The following COL25A1 variants were observed in gnomAD, a reference collection of about 807,000 sequenced individuals.
COL25A1 encodes collagen alpha-1(XXV) chain.
A neutral mutation model predicts 128.4 loss-of-function variants in COL25A1; 103 were observed. The ratio of observed to expected loss-of-function variants is 0.80; its 90% confidence interval spans 0.68 to 0.94. The LOEUF (loss-of-function observed/expected upper bound fraction) is 0.94. COL25A1 is among the 40% of genes least tolerant of loss of function. The pLI, the probability that COL25A1 is intolerant of heterozygous loss-of-function variation, is 0.00. For missense variants in COL25A1, 745 were observed against 840.0 expected, an observed-to-expected ratio of 0.89 and a Z score of 1.40; for synonymous variants, 279 against 277.2, an observed-to-expected ratio of 1.01 and a Z score of -0.06.
At chr4:108,860,143 ACT>A (rs1408008966) in intron 23 of COL25A1, among the ~76,000 whole-genome samples, 1 of 151,858 alleles carries the variant, frequency 6.6e-6, no homozygotes, top group Non-Finnish European at 1.5e-5. Flanking sequence ...ACGGAGTCTC[ACT>A]CTGTTGCCCA....
intron 3 of COL25A1, among the ~76,000 whole-genome samples, chr4:109,226,481 T>C (rs1325273585): frequency 6.6e-6 from 1 of 152,150 alleles, no homozygotes; most frequent in Non-Finnish European, 1.5e-5. Context: ...TCCCTACATA[T>C]GTTCAATATC....
intron 11 of COL25A1, among the ~76,000 whole-genome samples, chr4:108,925,442 G>C (rs779869034): frequency 6.6e-6 from 1 of 152,034 alleles, no homozygotes; most frequent in Non-Finnish European, 1.5e-5. Flanking sequence ...GAATATTCCA[G>C]GCAAGGGAAG....
At chr4:108,864,688 C>T (rs1400579359) in intron 20 of COL25A1, among the ~76,000 whole-genome samples, 1 of 152,094 alleles carries the variant, frequency 6.6e-6, no homozygotes, top group African/African-American at 2.4e-5. Context: ...TGGATTGGAT[C>T]CCTGGAGGTG....
chr4:109,188,327 G>A (rs1775316373), intron 3 of COL25A1, among the ~76,000 whole-genome samples: 1 of 152,228 alleles, frequency 6.6e-6, no homozygotes, highest in African/African-American at 2.4e-5. Context: ...AGTTTGGGAA[G>A]AGAAGGCTGG....
intron 6 of COL25A1, among the ~76,000 whole-genome samples, chr4:109,004,454 A>G (rs1671016352): frequency 6.6e-6 from 1 of 151,918 alleles, no homozygotes; most frequent in African/African-American, 2.4e-5. Flanking sequence ...TAATATAAAT[A>G]CTATGAATAA....
intron 3 of COL25A1, among the ~76,000 whole-genome samples, chr4:109,093,459 A>AAAAAAAAAAAC (rs1180943083): frequency 3.3e-5 from 4 of 122,050 alleles, no homozygotes; most frequent in African/African-American, 1.1e-4. Flanking sequence ...ATCTCTATGA[A>AAAAAAAAAAAC]AAAAAAAAAA....
intron 11 of COL25A1, among the ~76,000 whole-genome samples, chr4:108,933,948 T>C (rs754144570): frequency 6.6e-6 from 1 of 151,944 alleles, no homozygotes; most frequent in Admixed American, 6.6e-5. Flanking sequence ...GATCTAGAAC[T>C]AGAATTACCA....
intron 5 of COL25A1, among the ~76,000 whole-genome samples, chr4:109,012,374 C>T (rs572668613): frequency 5.9e-5 from 9 of 151,296 alleles, no homozygotes; most frequent in East Asian, 5.9e-4. Flanking sequence ...GCTCTGGCTA[C>T]GCTTGAGGAG....
intron 3 of COL25A1, among the ~76,000 whole-genome samples, chr4:109,233,996 TCCTA>T (rs768918462): frequency 5.3e-5 from 8 of 152,140 alleles, no homozygotes; most frequent in Non-Finnish European, 8.8e-5. Context: ...TATTCTGCTT[TCCTA>T]CCTATTTACT....
chr4:109,001,423 A>T (rs1755397144), intron 6 of COL25A1, among the ~76,000 whole-genome samples: 1 of 150,448 alleles, frequency 6.6e-6, no homozygotes, highest in Non-Finnish European at 1.5e-5. Context: ...TCAGGTAGGC[A>T]GTGAGCTAGA....
At chr4:109,073,124 T>C (rs757307420) in intron 3 of COL25A1, among the ~76,000 whole-genome samples, 3 of 152,088 alleles carry the variant, frequency 2.0e-5, no homozygotes, top group African/African-American at 7.2e-5. Context: ...TGATAATGTG[T>C]GTGTGCATGT....
chr4:109,126,309 G>A (rs1281043216), intron 3 of COL25A1, among the ~76,000 whole-genome samples: 2 of 151,922 alleles, frequency 1.3e-5, no homozygotes, highest in African/African-American at 4.8e-5. Flanking sequence ...CTTTTAAATC[G>A]AGACTTTCAA....
chr4:108,918,258 A>G, intron 12 of COL25A1, 42 bp from the exon 13 acceptor site: 1 of 1,354,882 alleles, frequency 7.4e-7, no homozygotes. Context: ...ATCATACACA[A>G]AATATTTCAA....
chr4:108,881,710 A>T (rs1740148823), intron 19 of COL25A1, among the ~76,000 whole-genome samples: 1 of 152,190 alleles, frequency 6.6e-6, no homozygotes. Context: ...CTTTAGCTCT[A>T]CATTTATAAA....
chr4:109,051,849 G>A (rs1243255211), intron 3 of COL25A1, among the ~76,000 whole-genome samples: 1 of 151,992 alleles, frequency 6.6e-6, no homozygotes, highest in African/African-American at 2.4e-5. Context: ...TCCTATGATT[G>A]AACTTATATT....
At chr4:109,071,184 C>G (rs1762940791) in intron 3 of COL25A1, among the ~76,000 whole-genome samples, 1 of 152,070 alleles carries the variant, frequency 6.6e-6, no homozygotes, top group Non-Finnish European at 1.5e-5. Flanking sequence ...CTGACAAAAA[C>G]AAGAAATGGG....
Position 109,045,006 on chromosome 4 carries a change from G to A in COL25A1, c.420+3162C>T, listed in dbSNP as rs569049372. 2.7e-3 allele frequency among the ~76,000 whole-genome samples: 408 copies of A among 152,190 alleles called. 18 individuals carry two copies. In the South Asian group the frequency reaches 0.082, roughly 30 times the overall value. On this transcript the variant is annotated intron_variant, in intron 5 of 37. Coordinates refer to ENST00000399132, the MANE Select transcript of COL25A1 (RefSeq NM_198721.4). ...CTCCTCTGCCGATAACAAGACCAAC[G>A]CCTTTTCGTCCTTCTCCTCCTCAGA...
chr4:109,288,031 G>A (rs1724056790), intron 3 of COL25A1, among the ~76,000 whole-genome samples: 1 of 152,098 alleles, frequency 6.6e-6, no homozygotes, highest in Non-Finnish European at 1.5e-5. Flanking sequence ...AAATAAACTA[G>A]GAGATGAGAT....
At chr4:108,894,388 G>A (rs1332286355) in intron 16 of COL25A1, among the ~76,000 whole-genome samples, 1 of 152,012 alleles carries the variant, frequency 6.6e-6, no homozygotes. Context: ...ACTGCCCTCG[G>A]TGTAGAATAT....
Sources: allele counts gnomAD v4.1 joint callset (sites outside exome capture counted in the v4.1 genomes callset), GRCh38; gene constraint gnomAD v4.1.1; transcripts MANE v1.5; gene names NCBI Gene and HGNC (gene_info 2026-07-23, HGNC 2026-07-21).